Variants in TBL1X observed in about 807,000 individuals in gnomAD.
TBL1X encodes F-box-like/WD repeat-containing protein TBL1X.
A neutral mutation model predicts 50.7 loss-of-function variants in TBL1X; 10 were observed. The observed-to-expected ratio is 0.20, with a 90% CI of 0.12 to 0.33. The LOEUF (loss-of-function observed/expected upper bound fraction) is 0.33, where lower values mean the gene tolerates loss of function less well. TBL1X is among the 10% of genes least tolerant of loss of function. TBL1X has a pLI of 1.00. For synonymous variants in TBL1X, 190 were observed against 214.7 expected, an observed-to-expected ratio of 0.88 and a Z score of 1.01; for missense variants, 340 against 504.4, an observed-to-expected ratio of 0.67 and a Z score of 3.12.
intron 3 of TBL1X, 133 bp downstream of exon 3, chrX:9,640,493 T>C (rs774572738): frequency 8.9e-6 from 1 of 112,544 alleles, no homozygotes; most frequent in Non-Finnish European, 1.9e-5. Flanking sequence ...CCGGTCTTTC[T>C]CCTTACTGAA....
At chrX:9,583,287 A>G (rs1336004872) in intron 2 of TBL1X, among the ~76,000 whole-genome samples, 1 of 112,447 alleles carries the variant, frequency 8.9e-6, no homozygotes. Flanking sequence ...TTTAGAGCCC[A>G]TGCAATAACC....
chrX:9,656,507 C>A (rs974175378), intron 5 of TBL1X, among the ~76,000 whole-genome samples: 1 of 112,656 alleles, frequency 8.9e-6, no homozygotes, highest in Non-Finnish European at 1.9e-5. Context: ...CCAGAAAGGT[C>A]GGCTTCCTTA....
chrX:9,542,865 A>T (rs925399452), intron 2 of TBL1X, among the ~76,000 whole-genome samples: 4 of 112,392 alleles, frequency 3.6e-5, no homozygotes, highest in Non-Finnish European at 7.5e-5. Flanking sequence ...CACTTGTCAC[A>T]TGACAGCTCA....
At chrX:9,592,736 G>A (rs552436359) in intron 2 of TBL1X, among the ~76,000 whole-genome samples, 8 of 111,772 alleles carry the variant, frequency 7.2e-5, no homozygotes, top group South Asian at 7.5e-4. Context: ...ATCCTTCTGC[G>A]TCTGGCTTAT....
At chrX:9,549,035 A>ACAG (rs2082258623) in intron 2 of TBL1X, among the ~76,000 whole-genome samples, 1 of 113,339 alleles carries the variant, frequency 8.8e-6, no homozygotes, top group Non-Finnish European at 1.9e-5. Context: ...TTACTTGAAG[A>ACAG]CAGCAGCTGG....
At chrX:9,582,266 T>A (rs1427357607) in intron 2 of TBL1X, among the ~76,000 whole-genome samples, 1 of 112,133 alleles carries the variant, frequency 8.9e-6, no homozygotes, top group East Asian at 2.8e-4. Flanking sequence ...TACGGTCATA[T>A]CCTTGGACTT....
intron 2 of TBL1X, among the ~76,000 whole-genome samples, chrX:9,615,142 C>T (rs1291669081): frequency 8.9e-6 from 1 of 111,733 alleles, no homozygotes; most frequent in African/African-American, 3.3e-5. Flanking sequence ...AATGCTTTAC[C>T]CCTTTTCTCC....
At chrX:9,687,686 C>T (rs1235438662) in intron 6 of TBL1X, among the ~76,000 whole-genome samples, 2 of 105,361 alleles carry the variant, frequency 1.9e-5, no homozygotes, top group African/African-American at 3.5e-5. Flanking sequence ...CCCCCGCCCC[C>T]GCCACGTTGA....
At chrX:9,693,111 G>A in intron 9 of TBL1X, 38 bp from the exon 10 acceptor site, 1 of 1,207,810 alleles carries the variant, frequency 8.3e-7, no homozygotes, top group Non-Finnish European at 1.1e-6. Context: ...CCGCTCCTAA[G>A]TTGTTTTTGT....
chrX:9,697,282 G>C lies in TBL1X; in HGVS notation c.1054-87G>C, dbSNP rs755650951. The C allele has an allele frequency of 4.4e-6, 5 of 1,131,935 alleles. No homozygotes were observed. The Admixed American group carries it at 7.0e-5, about 16-fold the overall frequency. 93.3% of individuals were successfully genotyped at this position (1,131,935 alleles called of 1,213,427 possible). A position where few individuals can be genotyped will look rare whatever the true frequency, so the allele number is the denominator to read the frequency against. On this transcript the variant is annotated intron_variant, in intron 11 of 17. Coordinates refer to ENST00000645353, the MANE Select transcript of TBL1X (RefSeq NM_005647.4). ...GGACAGTGCCGGTTTATAAGGAGAA[G>C]GGCTGTCTTTTCTTGTATGATAAAT...
intron 2 of TBL1X, among the ~76,000 whole-genome samples, chrX:9,511,865 T>C (rs1158026710): frequency 9.1e-6 from 1 of 110,032 alleles, no homozygotes; most frequent in African/African-American, 3.3e-5. Context: ...CATTTATCTG[T>C]TTTTTTTTCT....
intron 2 of TBL1X, among the ~76,000 whole-genome samples, chrX:9,611,447 G>C (rs1226276633): frequency 8.9e-6 from 1 of 112,154 alleles, no homozygotes; most frequent in Non-Finnish European, 1.9e-5. Flanking sequence ...GGGCAGTCGA[G>C]TGTTCGATTT....
intron 2 of TBL1X, among the ~76,000 whole-genome samples, chrX:9,546,911 T>C (rs34033409): frequency 6.2e-4 from 58 of 93,572 alleles, no homozygotes; most frequent in East Asian, 1.1e-3. Flanking sequence ...CTCCGCCTCC[T>C]GGGTTCACAC....
chrX:9,661,564 C>T (rs1168252548), intron 5 of TBL1X, among the ~76,000 whole-genome samples: 1 of 111,741 alleles, frequency 8.9e-6, no homozygotes, highest in African/African-American at 3.3e-5. Context: ...CACACTTCAC[C>T]TGCAGTGCTT....
intron 2 of TBL1X, among the ~76,000 whole-genome samples, chrX:9,521,234 A>G (rs1424589112): frequency 8.9e-6 from 1 of 111,872 alleles, no homozygotes; most frequent in Non-Finnish European, 1.9e-5. Context: ...GTAAACGTGG[A>G]ACCTTTGGAA....
At chrX:9,701,052 C>T (rs751122476) in intron 12 of TBL1X, among the ~76,000 whole-genome samples, 56 of 110,202 alleles carry the variant, frequency 5.1e-4, no homozygotes, top group Non-Finnish European at 7.8e-4. Context: ...TTAGTGGCGA[C>T]GGAACACTTC....
chrX:9,598,914 T>TTTG (rs34271598), intron 2 of TBL1X, among the ~76,000 whole-genome samples: 37,661 of 98,186 alleles, frequency 0.38, 7,102 homozygotes, highest in East Asian at 0.62. Flanking sequence ...CTACCTTTTT[T>TTTG]TTTTGTTTTG....
chrX:9,518,231 CACA>C (rs1392443149), intron 2 of TBL1X, among the ~76,000 whole-genome samples: 3 of 112,314 alleles, frequency 2.7e-5, no homozygotes, highest in Non-Finnish European at 5.6e-5. Context: ...GTTGCTTTTT[CACA>C]ACAAGGGGTG....
intron 2 of TBL1X, among the ~76,000 whole-genome samples, chrX:9,540,408 G>A (rs2082208655): frequency 8.9e-6 from 1 of 112,388 alleles, no homozygotes; most frequent in Non-Finnish European, 1.9e-5. Flanking sequence ...CTGGCGAGGG[G>A]GAAGGCAAGC....
Sources: gnomAD v4.1 joint callset for allele counts (sites outside exome capture counted in the v4.1 genomes callset) on GRCh38, gnomAD v4.1.1 for gene constraint, MANE v1.5 for transcripts, NCBI Gene and HGNC (gene_info 2026-07-23, HGNC 2026-07-21) for gene names.